Variants in CLYBL observed in about 807,000 individuals in gnomAD.
CLYBL encodes the protein citramalyl-CoA lyase, mitochondrial.
CLYBL carries 31 observed loss-of-function variants against 38.9 expected under a neutral mutation model. The ratio of observed to expected loss-of-function variants is 0.80; its 90% confidence interval spans 0.60 to 1.08. CLYBL has a LOEUF of 1.08. Among genes scored for constraint, CLYBL ranks in the 50% least tolerant of loss-of-function variants. The pLI, the probability that CLYBL is intolerant of heterozygous loss-of-function variation, is 0.00. For missense variants in CLYBL, 434 were observed against 411.6 expected (o/e 1.05, Z -0.47); for synonymous variants, 171 against 158.6 (o/e 1.08, Z -0.59).
intron 2 of CLYBL, among the ~76,000 whole-genome samples, chr13:99,853,406 A>G (rs2051378814): frequency 6.6e-6 from 1 of 152,258 alleles, no homozygotes; most frequent in South Asian, 2.1e-4. Flanking sequence ...GCCAAAATCT[A>G]CATTTTCAGA....
chr13:99,879,767 T>A (rs1307448813), intron 7 of CLYBL, among the ~76,000 whole-genome samples: 1 of 152,136 alleles, frequency 6.6e-6, no homozygotes, highest in Non-Finnish European at 1.5e-5. Flanking sequence ...AAAACCCACT[T>A]AGAATTCAAA....
chr13:99,702,607 G>T (rs1323655802), intron 1 of CLYBL, among the ~76,000 whole-genome samples: 1 of 150,454 alleles, frequency 6.6e-6, no homozygotes, highest in East Asian at 1.9e-4. Flanking sequence ...ACTCCAGCCT[G>T]GGCAACAAGA....
intron 1 of CLYBL, among the ~76,000 whole-genome samples, chr13:99,719,766 A>G (rs2793742): frequency 0.21 from 32,301 of 151,756 alleles, 4,985 homozygotes; most frequent in African/African-American, 0.43. Context: ...CCTCAGCCCC[A>G]CAAAGTGCTG....
At chr13:99,872,682 C>T (rs1335124889) in intron 7 of CLYBL, among the ~76,000 whole-genome samples, 1 of 152,190 alleles carries the variant, frequency 6.6e-6, no homozygotes, top group East Asian at 1.9e-4. Flanking sequence ...TGACCCATCC[C>T]AGCTGGGTTT....
intron 2 of CLYBL, chr13:99,783,986 C>G (rs1391903752): frequency 1.3e-5 from 2 of 152,220 alleles, no homozygotes; most frequent in Non-Finnish European, 2.9e-5. Flanking sequence ...AATAACCTAT[C>G]TAAATCATTT....
At chr13:99,773,386 G>A (rs1349760035) in intron 2 of CLYBL, among the ~76,000 whole-genome samples, 1 of 152,160 alleles carries the variant, frequency 6.6e-6, no homozygotes, top group Admixed American at 6.5e-5. Flanking sequence ...TAGGAACTGG[G>A]CCAGAACCCA....
intron 2 of CLYBL, among the ~76,000 whole-genome samples, chr13:99,839,733 A>G (rs1566348673): frequency 2.0e-5 from 3 of 152,096 alleles, no homozygotes; most frequent in Non-Finnish European, 4.4e-5. Flanking sequence ...TATGGGGTAC[A>G]TGAGATACTT....
intron 7 of CLYBL, among the ~76,000 whole-genome samples, chr13:99,882,088 AATTAC>A (rs2052225031): frequency 6.6e-6 from 1 of 152,100 alleles, no homozygotes. Context: ...TATTTTTATA[AATTAC>A]ATTAAATATA....
intron 1 of CLYBL, among the ~76,000 whole-genome samples, chr13:99,628,968 T>C (rs535489719): frequency 1.3e-5 from 2 of 152,378 alleles, no homozygotes; most frequent in East Asian, 3.9e-4. Flanking sequence ...CTATGGTAAG[T>C]GTCGCAGCTA....
intron 1 of CLYBL, among the ~76,000 whole-genome samples, chr13:99,699,621 A>T (rs1689489521): frequency 6.6e-6 from 1 of 151,308 alleles, no homozygotes; most frequent in Admixed American, 6.6e-5. Context: ...TGAACCCGGG[A>T]GGCGGAGGTT....
intron 1 of CLYBL, among the ~76,000 whole-genome samples, chr13:99,623,052 G>C (rs1018028334): frequency 6.6e-6 from 1 of 152,092 alleles, no homozygotes; most frequent in Non-Finnish European, 1.5e-5. Flanking sequence ...TCCACTTTTT[G>C]GTGATTGTGA....
intron 1 of CLYBL, among the ~76,000 whole-genome samples, chr13:99,672,124 T>C (rs550356827): frequency 6.0e-4 from 92 of 152,282 alleles, no homozygotes; most frequent in Non-Finnish European, 9.1e-4. Context: ...TTAGAGCCCT[T>C]CTCAAGGAAG....
chr13:99,871,192 A>T, intron 7 of CLYBL, 130 bp downstream of exon 7: 4 of 1,038,528 alleles, frequency 3.9e-6, no homozygotes, highest in Non-Finnish European at 5.8e-6. Context: ...GGGAGGGAAC[A>T]CAACATTCAC....
At chr13:99,623,595 C>T (rs549448723) in intron 1 of CLYBL, among the ~76,000 whole-genome samples, 2 of 152,192 alleles carry the variant, frequency 1.3e-5, no homozygotes, top group African/African-American at 4.8e-5. Flanking sequence ...TTTTTTAACA[C>T]TTCCCTCCTT....
intron 1 of CLYBL, among the ~76,000 whole-genome samples, chr13:99,707,065 C>G (rs1483672965): frequency 6.6e-6 from 1 of 152,116 alleles, no homozygotes; most frequent in Non-Finnish European, 1.5e-5. Context: ...GCCCCCAAGA[C>G]AAGATAGAAG....
At chr13:99,696,682 T>C (rs2047984674) in intron 1 of CLYBL, among the ~76,000 whole-genome samples, 1 of 151,556 alleles carries the variant, frequency 6.6e-6, no homozygotes, top group Admixed American at 6.6e-5. Context: ...TGGTAGCTTG[T>C]GCCTATAATC....
At chr13:99,855,286 A>G (rs1204537813) in intron 2 of CLYBL, among the ~76,000 whole-genome samples, 5 of 152,144 alleles carry the variant, frequency 3.3e-5, no homozygotes, top group Non-Finnish European at 7.4e-5. Flanking sequence ...CCTAGGATAT[A>G]AAAGCCCCCA....
chr13:99,631,132 G>A (rs1023608942), intron 1 of CLYBL, among the ~76,000 whole-genome samples: 1 of 152,096 alleles, frequency 6.6e-6, no homozygotes, highest in Non-Finnish European at 1.5e-5. Context: ...GACCAGCCTG[G>A]GCAACATGGT....
intron 2 of CLYBL, among the ~76,000 whole-genome samples, chr13:99,832,719 C>T (rs1476313727): frequency 1.3e-5 from 2 of 151,788 alleles, no homozygotes; most frequent in African/African-American, 2.4e-5. Context: ...GAATTAGGAA[C>T]TTGGCTTTCA....
Sources: allele counts gnomAD v4.1 joint callset (sites outside exome capture counted in the v4.1 genomes callset), GRCh38; gene constraint gnomAD v4.1.1; transcripts MANE v1.5; gene names NCBI Gene and HGNC (gene_info 2026-07-23, HGNC 2026-07-21).